The following CLP1 variants were observed in gnomAD, a reference collection of about 807,000 sequenced individuals.
CLP1 encodes polyribonucleotide 5'-hydroxyl-kinase Clp1.
Under a neutral mutation model 29.9 loss-of-function variants are expected in CLP1, and 18 were observed. That is an observed-to-expected ratio of 0.60 (90% CI 0.42 to 0.89). The LOEUF (loss-of-function observed/expected upper bound fraction) is 0.89, where lower values mean the gene tolerates loss of function less well. Ranked by LOEUF, CLP1 falls within the 40% of genes least tolerant of loss-of-function variation. The pLI, the probability that CLP1 is intolerant of heterozygous loss-of-function variation, is 0.00. For synonymous variants in CLP1, 162 were observed against 206.2 expected (o/e 0.79, Z 1.84); for missense variants, 357 against 544.8 (o/e 0.66, Z 3.43).
chr11:57,658,544 G>T (rs1029718427), intron 1 of CLP1, among the ~76,000 whole-genome samples: 3 of 152,136 alleles, frequency 2.0e-5, no homozygotes, highest in Non-Finnish European at 4.4e-5. Flanking sequence ...GAGACCGATG[G>T]TGATAAGAAA....
Position 57,661,091 on chromosome 11 carries a change from T to C in CLP1, c.933T>C (p.Cys311=), listed in dbSNP as rs1417497053. 1 of 1,614,242 alleles carries C rather than the reference T, an allele frequency of 6.2e-7. No individual in the cohort carries two copies. The highest frequency in any genetic ancestry group is 8.5e-7 in the Non-Finnish European group (1 of 1,180,050). Reference sequence around the variant, plus strand: ...AGTATTTTTATGGATTCCGAGGCTGTTTCTATCCCCATGCCTTCAATGTCA... The same window carrying C: ...AGTATTTTTATGGATTCCGAGGCTGCTTCTATCCCCATGCCTTCAATGTCA... ...IREYFYGFRG[C]FYPHAFNVKF... is the part of the protein sequence containing the mutation. Residue 311 remains cysteine, a synonymous_variant, in exon 3 of 3, where the codon TGT becomes TGC. Transcript: ENST00000533682.
chr11:57,659,869 T>C lies in CLP1; in HGVS notation c.393T>C (p.Cys131=), dbSNP rs764116914. The change falls in exon 2 of 3, where the codon TGT becomes TGC. Residue 131 remains cysteine (C), a synonymous_variant. Transcript: ENST00000533682. ...CTGATGTGGGCAAGTCTACAGTGTG[T>C]CGCCTTCTGCTCAACTACGCAGTGC... The part of the protein sequence containing the change: ...GPTDVGKSTV[C]RLLLNYAVRL... 1 of 1,614,188 alleles carries C rather than the reference T, an allele frequency of 6.2e-7. No individual in the cohort carries two copies. Among genetic ancestry groups the C allele is most frequent in the East Asian group, 2.2e-5 (1 of 44,880 alleles).
intron 1 of CLP1, among the ~76,000 whole-genome samples, chr11:57,658,991 T>A (rs1319684704): frequency 6.6e-6 from 1 of 151,930 alleles, no homozygotes; most frequent in African/African-American, 2.4e-5. Flanking sequence ...CCCAGGCTGG[T>A]CTTGTACTTC....
chr11:57,658,599 GTTT>G (rs985432837), intron 1 of CLP1, among the ~76,000 whole-genome samples: 7 of 151,950 alleles, frequency 4.6e-5, no homozygotes, highest in African/African-American at 1.7e-4. Context: ...TTCATTGTAT[GTTT>G]TTATTATTTA....
Position 57,660,786 on chromosome 11 carries a change from G to C in CLP1, c.628G>C (p.Val210Leu). 6.3e-7 allele frequency: 1 copy of C among 1,599,622 alleles called. No individual in the cohort carries two copies. The highest frequency in any genetic ancestry group is 8.5e-7 in the Non-Finnish European group (1 of 1,170,248). Reference protein sequence around the residue: ...YNKITSRLADVFNQRCEVNRR... With the variant: ...YNKITSRLADLFNQRCEVNRR... ...GCAGATTACATCTCGTTTAGCAGAT[G>C]TGTTCAACCAAAGGTGTGAGGTGAA... The change falls in exon 3 of 3, where the codon GTG becomes CTG. Residue 210 changes from valine (V) to leucine (L), a missense_variant. Transcript: ENST00000533682.
In CLP1 at chr11:57,661,319, TGTG is replaced by T. The variant is rs774299204; in HGVS notation, c.1165_1167del (p.Val389del). ...CCGAGACAAGTGTAGCTGGCTTCATTGTGGTGACCAGTGTGGACCTGGAGCATC... is the reference window on the plus strand; with the variant it reads ...CCGAGACAAGTGTAGCTGGCTTCATTGTGACCAGTGTGGACCTGGAGCATC... On this transcript the variant is annotated inframe_deletion, in exon 3 of 3. Transcript: ENST00000533682. The T allele has an allele frequency of 5.0e-5, 80 of 1,614,108 alleles. No individual in the cohort carries two copies. Among genetic ancestry groups the T allele is most frequent in the Non-Finnish European group, 6.3e-5 (74 of 1,180,050 alleles).
At chr11:57,658,309 C>T (rs922635522) in intron 1 of CLP1, among the ~76,000 whole-genome samples, 5 of 152,182 alleles carry the variant, frequency 3.3e-5, no homozygotes, top group Non-Finnish European at 5.9e-5. Context: ...CTGTTACCTT[C>T]TCAAGTTTGG....
At position 57,661,629 on chromosome 11, in the gene CLP1, T is replaced by C. The variant is rs1945878318; in HGVS notation, c.*193T>C. ...TAATCTTGAACCAAAAGGAAAACCATGAGACTGTAATTGGTTTCTTAGACC... is the reference window on the plus strand; with the variant it reads ...TAATCTTGAACCAAAAGGAAAACCACGAGACTGTAATTGGTTTCTTAGACC... On this transcript the variant is annotated 3_prime_UTR_variant, in exon 3 of 3. Transcript: ENST00000533682. The C allele has an allele frequency of 8.7e-6, 5 of 573,286 alleles. No individual in the cohort carries two copies. The South Asian group carries it at 1.2e-4, about 13-fold the overall frequency. 35.5% of individuals were successfully genotyped at this position (573,286 alleles called of 1,614,324 possible). A position where few individuals can be genotyped will look rare whatever the true frequency, so the allele number is the denominator to read the frequency against.
In CLP1 at chr11:57,661,545, G is replaced by T; in HGVS notation, c.*109G>T. On this transcript the variant is annotated 3_prime_UTR_variant, in exon 3 of 3. Coordinates refer to ENST00000533682, the MANE Select transcript of CLP1 (RefSeq NM_006831.3). Reference sequence around the variant, plus strand: ...TGGGGCCACCTGACCAGTAAACTGTGGACTAGTAGAAAGTTCATATTCTAC... The same window carrying T: ...TGGGGCCACCTGACCAGTAAACTGTTGACTAGTAGAAAGTTCATATTCTAC... 1 of 862,658 alleles carries T rather than the reference G, an allele frequency of 1.2e-6. No homozygotes were observed. The highest frequency in any genetic ancestry group is 1.7e-5 in the South Asian group (1 of 60,116). 53.4% of individuals were successfully genotyped at this position (862,658 alleles called of 1,614,324 possible).
Position 57,659,543 on chromosome 11 carries a change from C to T in CLP1, c.67C>T (p.Leu23Phe), listed in dbSNP as rs765745711. Residue 23 changes from leucine to phenylalanine, a missense_variant, in exon 2 of 3, where the codon CTT (leucine) becomes TTT (phenylalanine). Leu to Phe is a conservative substitution (Grantham distance 22). Transcript: ENST00000533682. ...ATTTGAACTAGAGCGAGAAACAGAA[C>T]TTCGCTTTGAGGTGGAGGCATCTCA... Reference protein sequence around the residue: ...TKFELERETELRFEVEASQSV... With the variant: ...TKFELERETEFRFEVEASQSV... The T allele has an allele frequency of 6.2e-7, 1 of 1,614,128 alleles. No homozygotes were observed. Among genetic ancestry groups the T allele is most frequent in the Non-Finnish European group, 8.5e-7 (1 of 1,180,008 alleles).
chr11:57,660,515 C>T (rs964321245), intron 2 of CLP1, among the ~76,000 whole-genome samples: 6 of 152,166 alleles, frequency 3.9e-5, no homozygotes, highest in Admixed American at 1.3e-4. Context: ...AGTAGCTGGG[C>T]GTGGTGGCTG....
At position 57,659,869 on chromosome 11, in the gene CLP1, TC is replaced by T; in HGVS notation, c.394del (p.Arg132AlafsTer76). The T allele has an allele frequency of 6.2e-7, 1 of 1,614,188 alleles. No individual in the cohort carries two copies. The highest frequency in any genetic ancestry group is 1.1e-5 in the South Asian group (1 of 91,084). On this transcript the variant is annotated frameshift_variant, in exon 2 of 3. Transcript: ENST00000533682. LOFTEE classifies it high-confidence loss of function. ...CTGATGTGGGCAAGTCTACAGTGTGTCGCCTTCTGCTCAACTACGCAGTGCG... is the reference window on the plus strand; with the variant it reads ...CTGATGTGGGCAAGTCTACAGTGTGTGCCTTCTGCTCAACTACGCAGTGCG... ...PTDVGKSTVC[R>X]LLLNYAVRLG...
At chr11:57,659,368 C>A (rs1945851750) in intron 1 of CLP1, 87 bp from the exon 2 acceptor site, 2 of 1,305,978 alleles carry the variant, frequency 1.5e-6, no homozygotes, top group African/African-American at 1.5e-5. Context: ...GGATTACAGG[C>A]GTGAGCCACC....
chr11:57,660,694 C>G (rs1401905617), intron 2 of CLP1, 71 bp from the exon 3 acceptor site: 1 of 1,278,962 alleles, frequency 7.8e-7, no homozygotes, highest in Non-Finnish European at 1.1e-6. Context: ...AGCACTTATT[C>G]TAAAGAGGAA....
intron 1 of CLP1, among the ~76,000 whole-genome samples, chr11:57,658,748 C>G (rs966790598): frequency 9.2e-5 from 14 of 152,128 alleles, no homozygotes; most frequent in Admixed American, 5.9e-4. Flanking sequence ...AGCGATTCTC[C>G]TGACTCAGTC....
chr11:57,661,379 C>T lies in CLP1; in HGVS notation c.1221C>T (p.Arg407=), dbSNP rs1348248753. The change falls in exon 3 of 3, where the codon CGC becomes CGT. Residue 407 remains arginine (R), a synonymous_variant. Coordinates refer to ENST00000533682, the MANE Select transcript of CLP1 (RefSeq NM_006831.3). ...TTACTGTTCTGTCTCCAGCCCCTCG[C>T]CCACTGCCTAAGAACTTCCTTCTCA... is the stretch of plus-strand genomic sequence containing the variant. ...QVFTVLSPAP[R]PLPKNFLLIM... 3 of 1,614,018 alleles carry T rather than the reference C, an allele frequency of 1.9e-6. No homozygotes were observed. Among genetic ancestry groups the T allele is most frequent in the East Asian group, 2.2e-5 (1 of 44,880 alleles).
rs1945877200 is a variant in CLP1, at chr11:57,661,513, A to G, written c.*77A>G. The G allele has an allele frequency of 7.8e-7, 1 of 1,283,968 alleles. No individual in the cohort carries two copies. Among genetic ancestry groups the G allele is most frequent in the African/African-American group, 1.5e-5 (1 of 67,364 alleles). The allele number at this position is 1,283,968 out of a possible 1,614,324, so 79.5% of individuals were successfully genotyped here. ...CTAGAGGCAGATGGGCTGAGATAAA[A>G]GACTGTTGGGGCCACCTGACCAGTA... On this transcript the variant is annotated 3_prime_UTR_variant, in exon 3 of 3. Coordinates refer to ENST00000533682, the MANE Select transcript of CLP1 (RefSeq NM_006831.3).
chr11:57,658,400 G>T (rs547893300), intron 1 of CLP1, among the ~76,000 whole-genome samples: 32 of 152,260 alleles, frequency 2.1e-4, no homozygotes, highest in African/African-American at 7.5e-4. Context: ...TGATGTCTGA[G>T]ACATTAATTC....
At chr11:57,659,288 C>T (rs1945850769) in intron 1 of CLP1, 167 bp from the exon 2 acceptor site, 1 of 628,138 alleles carries the variant, frequency 1.6e-6, no homozygotes, top group East Asian at 2.7e-5. Flanking sequence ...AGGGTTTCAC[C>T]ATGTTGGCCA....
Sources: allele counts gnomAD v4.1 joint callset (sites outside exome capture counted in the v4.1 genomes callset), GRCh38; gene constraint gnomAD v4.1.1; transcripts MANE v1.5; gene names NCBI Gene and HGNC (gene_info 2026-07-23, HGNC 2026-07-21).